Variants in KMT2E observed in about 807,000 individuals in gnomAD.
KMT2E encodes the protein histone reader KMT2E.
KMT2E carries 30 observed loss-of-function variants against 184.6 expected under a neutral mutation model. The observed-to-expected ratio is 0.16, with a 90% CI of 0.12 to 0.22. The LOEUF (loss-of-function observed/expected upper bound fraction) is 0.22, where lower values mean the gene tolerates loss of function less well. Ranked by LOEUF, KMT2E falls within the 10% of genes least tolerant of loss-of-function variation. KMT2E has a pLI of 1.00. For synonymous variants in KMT2E, 815 were observed against 776.5 expected (o/e 1.05, Z -0.82); for missense variants, 2,023 against 2,237.4 (o/e 0.90, Z 1.93).
rs1204646324 is a variant in KMT2E, at chr7:105,074,652, C to G, written c.566C>G (p.Thr189Ser). ...TTTATTTTGTCTGAAGATGGTGATA[C>G]CAGTGCAACTGAGAGTGGTGATGAG... The part of the protein sequence containing the change: ...RKRENMSDGD[T>S]SATESGDEVP... Residue 189 changes from threonine to serine, a missense_variant, in exon 8 of 27, where the codon ACC becomes AGC. By Grantham distance (58) the Thr-to-Ser change is moderately conservative. Around this residue, in one of 8 missense-constraint regions of KMT2E, gnomAD observed 191 missense variants for 209.0 expected, o/e 0.91. Coordinates refer to ENST00000311117, the MANE Select transcript of KMT2E (RefSeq NM_182931.3). The G allele has an allele frequency of 6.6e-7, 1 of 1,522,416 alleles. No individual in the cohort carries two copies. 94.3% of individuals were successfully genotyped at this position (1,522,416 alleles called of 1,614,324 possible). A position where few individuals can be genotyped will look rare whatever the true frequency, so the allele number is the denominator to read the frequency against.
chr7:105,091,637 A>G, intron 15 of KMT2E: 1 of 444,358 alleles, frequency 2.3e-6, no homozygotes, highest in African/African-American at 2.0e-5. Flanking sequence ...TTTATTAGCT[A>G]AATGTATCCT....
chr7:105,014,566 TG>T (rs894686853), intron 1 of KMT2E, 31 bp downstream of exon 1: 1 of 151,710 alleles, frequency 6.6e-6, no homozygotes, highest in African/African-American at 2.4e-5. Flanking sequence ...TGGGAGTTCC[TG>T]GGGCTTGCGG....
At position 105,015,333 on chromosome 7, in the gene KMT2E, A is replaced by G. The variant is rs188284788; in HGVS notation, c.-189+798A>G. ...TAAACGGGGTGGGGGTGAGAAAAAA[A>G]CAATCCAGAGTGCTCTCTTCTACTG... On this transcript the variant is annotated intron_variant, in intron 1 of 26. Coordinates refer to ENST00000311117, the MANE Select transcript of KMT2E (RefSeq NM_182931.3). 9.2e-5 allele frequency among the ~76,000 whole-genome samples: 14 copies of G among 152,336 alleles called. No homozygotes were observed. In the East Asian group the frequency reaches 2.3e-3, roughly 25 times the overall value.
chr7:105,055,599 A>G (rs1254325784), intron 3 of KMT2E, among the ~76,000 whole-genome samples: 1 of 152,206 alleles, frequency 6.6e-6, no homozygotes, highest in African/African-American at 2.4e-5. Flanking sequence ...ATTACATTTA[A>G]GTAGAGCTGT....
intron 13 of KMT2E, among the ~76,000 whole-genome samples, chr7:105,089,029 C>T (rs1798096544): frequency 6.6e-6 from 1 of 152,136 alleles, no homozygotes; most frequent in Non-Finnish European, 1.5e-5. Context: ...TTATAAAGCA[C>T]TCTGGGATAC....
At chr7:105,041,486 C>T (rs577919428) in intron 3 of KMT2E, among the ~76,000 whole-genome samples, 1 of 152,208 alleles carries the variant, frequency 6.6e-6, no homozygotes, top group African/African-American at 2.4e-5. Flanking sequence ...ATTGCAACCT[C>T]TGCCTCCCGG....
chr7:105,035,859 A>G (rs1226673098), intron 1 of KMT2E, among the ~76,000 whole-genome samples: 2 of 152,166 alleles, frequency 1.3e-5, no homozygotes, highest in Non-Finnish European at 2.9e-5. Flanking sequence ...ACACCCGGCC[A>G]TAAACACAAA....
chr7:105,075,412 G>T (rs551777184), intron 8 of KMT2E, among the ~76,000 whole-genome samples: 1 of 152,042 alleles, frequency 6.6e-6, no homozygotes, highest in African/African-American at 2.4e-5. Context: ...AGTAAATACA[G>T]CTCTGTTTAC....
intron 6 of KMT2E, among the ~76,000 whole-genome samples, chr7:105,072,337 C>CAA (rs1346152671): frequency 1.3e-5 from 2 of 151,580 alleles, no homozygotes; most frequent in African/African-American, 4.8e-5. Context: ...AAAAACAAAA[C>CAA]AAAAAACAAA....
intron 9 of KMT2E, among the ~76,000 whole-genome samples, chr7:105,076,503 T>C (rs1383709774): frequency 6.6e-6 from 1 of 152,218 alleles, no homozygotes; most frequent in East Asian, 1.9e-4. Context: ...AGAACAACCA[T>C]ATCAATACAA....
In KMT2E at chr7:105,114,909, T is replaced by C. The variant is rs1799541440; in HGVS notation, c.*1576T>C. Reference sequence around the variant, plus strand: ...GTCCAACAAAATTCTATTTATGGTATTTAGTAAAGAAACATTTGTCTGAGA... The same window carrying C: ...GTCCAACAAAATTCTATTTATGGTACTTAGTAAAGAAACATTTGTCTGAGA... On this transcript the variant is annotated 3_prime_UTR_variant, in exon 27 of 27. Transcript: ENST00000311117. Among the ~76,000 whole-genome samples, 1 of 152,236 alleles carries C rather than the reference T, an allele frequency of 6.6e-6. No homozygotes were observed. Among genetic ancestry groups the C allele is most frequent in the African/African-American group, 2.4e-5 (1 of 41,462 alleles).
At chr7:105,055,980 A>G (rs1390142814) in intron 3 of KMT2E, among the ~76,000 whole-genome samples, 1 of 151,748 alleles carries the variant, frequency 6.6e-6, no homozygotes, top group African/African-American at 2.4e-5. Flanking sequence ...GTGTGCTCAA[A>G]TGTTTATTGA....
chr7:105,014,805 G>A (rs1794642790), intron 1 of KMT2E, among the ~76,000 whole-genome samples: 1 of 152,128 alleles, frequency 6.6e-6, no homozygotes, highest in African/African-American at 2.4e-5. Flanking sequence ...GGGGAGTTAG[G>A]GAGGGGGCGC....
At chr7:105,086,768 A>T (rs1797980688) in intron 13 of KMT2E, among the ~76,000 whole-genome samples, 1 of 129,208 alleles carries the variant, frequency 7.7e-6, no homozygotes, top group African/African-American at 3.5e-5. Flanking sequence ...AAAAATATAA[A>T]TATATATAAA....
chr7:105,079,511 CTTTTTTTTTTTTTTTTTTTTTT>C (rs66734303), intron 12 of KMT2E, among the ~76,000 whole-genome samples: 1 of 62,330 alleles, frequency 1.6e-5, no homozygotes, highest in African/African-American at 6.4e-5. Flanking sequence ...ATTGGACTTC[CTTTTTTTTTTTTTTTTTTTTTT>C]TTTTTTTTGA....
chr7:105,099,988 A>T (rs1227081962), intron 15 of KMT2E, among the ~76,000 whole-genome samples: 4 of 152,196 alleles, frequency 2.6e-5, no homozygotes, highest in African/African-American at 4.8e-5. Flanking sequence ...CCCAAAAATA[A>T]GGAATTTTGT....
At chr7:105,063,199 A>G (rs1052365571) in intron 4 of KMT2E, 152 bp from the exon 5 acceptor site, 16 of 575,842 alleles carry the variant, frequency 2.8e-5, no homozygotes, top group Non-Finnish European at 4.1e-5. Context: ...TGGCTTCACC[A>G]AGTCATTTTT....
chr7:105,108,722 G>A lies in KMT2E; in HGVS notation c.3469-220G>A, dbSNP rs1562933174. On this transcript the variant is annotated intron_variant, in intron 22 of 26. Transcript: ENST00000311117. ...GATGATAATATACCTATTTCATAGG[G>A]TTGTTGTGAGGATAAATGAGATAAT... 1.5e-5 allele frequency: 8 copies of A among 523,460 alleles called. 1 individual carries two copies. The South Asian group carries it at 1.7e-4, about 11-fold the overall frequency. 32.4% of individuals were successfully genotyped at this position (523,460 alleles called of 1,614,324 possible).
rs770641267 is a variant in KMT2E, at chr7:105,105,549, A to T, written c.2307A>T (p.Thr769=). 6.2e-7 allele frequency: 1 copy of T among 1,614,142 alleles called. No homozygotes were observed. ...RITTDPEVLA[T]QLNSLPGLTY... ...CTACAGATCCTGAAGTGTTAGCTAC[A>T]CAACTCAATTCTTTACCAGGTCTCA... Residue 769 remains threonine (T), a synonymous_variant, in exon 18 of 27, where the codon ACA becomes ACT. Transcript: ENST00000311117.
Sources: allele counts gnomAD v4.1 joint callset (sites outside exome capture counted in the v4.1 genomes callset), GRCh38; gene constraint gnomAD v4.1.1; regional missense constraint gnomAD v4.1.1; transcripts MANE v1.5; gene names NCBI Gene and HGNC (gene_info 2026-07-23, HGNC 2026-07-21).